The following ABCA13 variants were observed in gnomAD, a reference collection of about 807,000 sequenced individuals.
ABCA13 encodes ATP-binding cassette sub-family A member 13.
In ABCA13, 476 loss-of-function variants were observed where a neutral mutation model predicts 478.7. The ratio of observed to expected loss-of-function variants is 0.99; its 90% CI spans 0.92 to 1.07. The LOEUF is 1.07. ABCA13 is among the 50% of genes least tolerant of loss of function. The pLI, the probability that ABCA13 is intolerant of heterozygous loss-of-function variation, is 0.00. For synonymous variants in ABCA13, 2,252 were observed against 2,158.9 expected (o/e 1.04, Z -1.20); for missense variants, 6,060 against 5,910.6 (o/e 1.03, Z -0.83).
intron 26 of ABCA13, among the ~76,000 whole-genome samples, chr7:48,315,548 C>T (rs1307253181): frequency 4.0e-5 from 6 of 151,108 alleles, no homozygotes; most frequent in East Asian, 3.9e-4. Flanking sequence ...GGCTTGATCT[C>T]GGCTCACCAC....
At chr7:48,563,217 G>A (rs1786654086) in intron 55 of ABCA13, among the ~76,000 whole-genome samples, 1 of 152,106 alleles carries the variant, frequency 6.6e-6, no homozygotes, top group African/African-American at 2.4e-5. Context: ...TTAGTTTTGT[G>A]TACCTTCTAT....
intron 27 of ABCA13, among the ~76,000 whole-genome samples, chr7:48,320,380 T>C (rs929178278): frequency 6.6e-6 from 1 of 152,234 alleles, no homozygotes; most frequent in African/African-American, 2.4e-5. Context: ...TTTGCCTACA[T>C]AGGAACTCAA....
At chr7:48,184,723 G>A (rs1796137033) in intron 1 of ABCA13, among the ~76,000 whole-genome samples, 1 of 152,184 alleles carries the variant, frequency 6.6e-6, no homozygotes, top group Non-Finnish European at 1.5e-5. Context: ...GAGAGGCTGA[G>A]GCAGAAGAAT....
At position 48,346,167 on chromosome 7, in the gene ABCA13, C is replaced by A. The variant is rs1425489248; in HGVS notation, c.10205-4476C>A. Among the ~76,000 whole-genome samples the A allele has an allele frequency of 2.6e-5, 4 of 152,228 alleles. No homozygotes were observed. The East Asian group carries it at 7.7e-4, about 29-fold the overall frequency. On this transcript the variant is annotated intron_variant, in intron 29 of 61. Transcript: ENST00000435803. ...TGCCTAATGCTGCCTTTTTATGCCG[C>A]ATTTCTCAGAATGCATCCTCATGAT...
chr7:48,358,541 G>A (rs1301928934), intron 31 of ABCA13, among the ~76,000 whole-genome samples: 1 of 151,850 alleles, frequency 6.6e-6, no homozygotes, highest in Non-Finnish European at 1.5e-5. Flanking sequence ...TTATTTCAAG[G>A]GCCTTCATCA....
chr7:48,553,496 A>G (rs1412405043), intron 55 of ABCA13, among the ~76,000 whole-genome samples: 1 of 152,034 alleles, frequency 6.6e-6, no homozygotes, highest in African/African-American at 2.4e-5. Context: ...TCTTTTGGAT[A>G]AAAGCCATTT....
chr7:48,489,204 T>G, intron 47 of ABCA13, 32 bp from the exon 48 acceptor site: 1 of 1,537,696 alleles, frequency 6.5e-7, no homozygotes, highest in Non-Finnish European at 8.9e-7. Context: ...GCTAATTTCG[T>G]GAGAGCCATT....
rs1788822806 is a variant in ABCA13, at chr7:48,230,080, A to G, written c.763+125A>G. On this transcript the variant is annotated intron_variant, in intron 7 of 61. Coordinates refer to ENST00000435803, the MANE Select transcript of ABCA13 (RefSeq NM_152701.5). ...ATTAAAATTTCAAATTCAAAAAAGTATGAATTGTTTCTGTTAATACAAGAC... is the reference window on the plus strand; with the variant it reads ...ATTAAAATTTCAAATTCAAAAAAGTGTGAATTGTTTCTGTTAATACAAGAC... 12 of 1,244,716 alleles carry G rather than the reference A, an allele frequency of 9.6e-6. 1 individual carries two copies. The South Asian group carries it at 1.6e-4, about 17-fold the overall frequency. 77.1% of individuals were successfully genotyped at this position (1,244,716 alleles called of 1,614,324 possible).
chr7:48,392,218 T>TA, intron 38 of ABCA13, 79 bp downstream of exon 38: 1 of 1,319,488 alleles, frequency 7.6e-7, no homozygotes, highest in South Asian at 1.3e-5. Context: ...AAGAGACACT[T>TA]AAAAAATCAT....
At chr7:48,257,933 A>AT (rs927080059) in intron 15 of ABCA13, among the ~76,000 whole-genome samples, 73 of 151,510 alleles carry the variant, frequency 4.8e-4, no homozygotes, top group African/African-American at 1.6e-3. Context: ...TTATTTATTT[A>AT]TTTTTTTTGA....
At chr7:48,425,685 T>C (rs1821301910) in intron 41 of ABCA13, among the ~76,000 whole-genome samples, 1 of 152,182 alleles carries the variant, frequency 6.6e-6, no homozygotes, top group Admixed American at 6.5e-5. Flanking sequence ...TTTTATAACT[T>C]TATATATAAA....
At chr7:48,204,688 T>C (rs1191292318) in intron 3 of ABCA13, among the ~76,000 whole-genome samples, 1 of 152,160 alleles carries the variant, frequency 6.6e-6, no homozygotes, top group African/African-American at 2.4e-5. Flanking sequence ...CCTTTCTCTT[T>C]TTGTATTCCC....
At chr7:48,378,825 G>A (rs912774857) in intron 35 of ABCA13, among the ~76,000 whole-genome samples, 1 of 152,176 alleles carries the variant, frequency 6.6e-6, no homozygotes, top group Non-Finnish European at 1.5e-5. Flanking sequence ...TTTTCATCAA[G>A]CCATACAAAG....
chr7:48,382,177 G>A (rs1345896710), intron 35 of ABCA13, among the ~76,000 whole-genome samples: 3 of 152,042 alleles, frequency 2.0e-5, no homozygotes, highest in East Asian at 1.9e-4. Context: ...GACTTACAGC[G>A]AGTTACAGTG....
At chr7:48,244,806 G>A (rs1791422561) in intron 11 of ABCA13, 103 bp downstream of exon 11, 1 of 1,407,948 alleles carries the variant, frequency 7.1e-7, no homozygotes, top group Non-Finnish European at 9.5e-7. Context: ...AAAGTTGGGA[G>A]ATAACTTTGC....
rs745556720 is a variant in ABCA13 at position 48,489,280 on chromosome 7, A to T, written c.13227A>T (p.Leu4409Phe). 2.5e-6 allele frequency: 4 copies of T among 1,612,918 alleles called. No homozygotes were observed. The South Asian group carries it at 4.4e-5, about 18-fold the overall frequency. ...GTTTTCATTCCCTACCTTCCTACTT[A>T]AATCATCTAAACAACCTTATTTTGT... ...QKGFHSLPSYLNHLNNLILWQ... is the reference protein window; with the variant it reads ...QKGFHSLPSYFNHLNNLILWQ... The change falls in exon 48 of 62, where the codon TTA becomes TTT. Residue 4409 changes from leucine to phenylalanine, a missense_variant. Leu to Phe is a conservative substitution (Grantham distance 22). Transcript: ENST00000435803.
chr7:48,394,831 C>T (rs938545143), intron 38 of ABCA13, among the ~76,000 whole-genome samples: 6 of 152,110 alleles, frequency 3.9e-5, no homozygotes, highest in African/African-American at 1.2e-4. Context: ...TTTATTTTAT[C>T]CCTCAACCCC....
At chr7:48,546,563 T>A (rs1013905029) in intron 55 of ABCA13, among the ~76,000 whole-genome samples, 8 of 146,728 alleles carry the variant, frequency 5.5e-5, no homozygotes, top group Admixed American at 2.8e-4. Flanking sequence ...GGATATAAAC[T>A]CTTAAGACAA....
At chr7:48,238,948 A>T (rs557749827) in intron 8 of ABCA13, among the ~76,000 whole-genome samples, 1 of 152,242 alleles carries the variant, frequency 6.6e-6, no homozygotes, top group Non-Finnish European at 1.5e-5. Context: ...GGGCTGACCC[A>T]TGTTCACTTT....
Sources: allele counts gnomAD v4.1 joint callset (sites outside exome capture counted in the v4.1 genomes callset), GRCh38; gene constraint gnomAD v4.1.1; transcripts MANE v1.5; gene names NCBI Gene and HGNC (gene_info 2026-07-23, HGNC 2026-07-21).